LDAH: variants seen among roughly 807,000 people sequenced by gnomAD.
LDAH encodes the protein lipid droplet-associated hydrolase.
Under a neutral mutation model 29.6 loss-of-function variants are expected in LDAH, and 26 were observed. That is an observed-to-expected ratio of 0.88 (90% CI 0.64 to 1.22). LDAH has a LOEUF of 1.22. Among genes scored for constraint, LDAH ranks in the 50% most tolerant of loss-of-function variants. The pLI, the probability that LDAH is intolerant of heterozygous loss-of-function variation, is 0.00. For synonymous variants in LDAH, 117 were observed against 133.0 expected, an observed-to-expected ratio of 0.88 and a Z score of 0.83; for missense variants, 344 against 387.3, an observed-to-expected ratio of 0.89 and a Z score of 0.94.
chr2:20,756,273 G>A (rs2124930223), intron 4 of LDAH, among the ~76,000 whole-genome samples: 1 of 152,180 alleles, frequency 6.6e-6, no homozygotes, highest in Middle Eastern at 3.4e-3. Flanking sequence ...GACCTCAGGT[G>A]ATCCACCCAC....
intron 3 of LDAH, among the ~76,000 whole-genome samples, chr2:20,780,235 T>A (rs1312649754): frequency 1.3e-5 from 2 of 152,200 alleles, no homozygotes; most frequent in Non-Finnish European, 2.9e-5. Context: ...CCCAAGCATA[T>A]GTTTTATAAA....
chr2:20,783,459 C>G lies in LDAH; in HGVS notation c.298+6796G>C, dbSNP rs947821620. On this transcript the variant is annotated intron_variant, in intron 3 of 6. Coordinates refer to ENST00000237822, the MANE Select transcript of LDAH (RefSeq NM_021925.4). ...GTCTATCAGTTTTGCCTCCTGCATT[C>G]TGACCTTTGTTGTTAGGTACATATT... is the stretch of plus-strand genomic sequence containing the variant. 6.6e-5 allele frequency among the ~76,000 whole-genome samples: 10 copies of G among 152,188 alleles called. No homozygotes were observed. In the East Asian group the frequency reaches 1.9e-3, roughly 29 times the overall value.
chr2:20,710,585 G>GGGGT (rs1553336527), intron 5 of LDAH, among the ~76,000 whole-genome samples: 19 of 115,946 alleles, frequency 1.6e-4, no homozygotes, highest in East Asian at 5.6e-4. Flanking sequence ...TATATATAGG[G>GGGGT]GTGTGTGTGT....
chr2:20,687,518 T>C (rs1662654998), intron 6 of LDAH, among the ~76,000 whole-genome samples: 1 of 152,208 alleles, frequency 6.6e-6, no homozygotes, highest in Non-Finnish European at 1.5e-5. Context: ...TGGGATGTAT[T>C]TGTTGAATGA....
chr2:20,758,475 GAAGA>G (rs1668474482), intron 4 of LDAH, among the ~76,000 whole-genome samples: 2 of 152,306 alleles, frequency 1.3e-5, no homozygotes, highest in Admixed American at 1.3e-4. Context: ...TGTTAAGTCA[GAAGA>G]AATATCTAGA....
At chr2:20,738,612 G>A (rs993140119) in intron 5 of LDAH, among the ~76,000 whole-genome samples, 2 of 152,088 alleles carry the variant, frequency 1.3e-5, no homozygotes, top group Non-Finnish European at 2.9e-5. Flanking sequence ...GGACCAAATG[G>A]TCTTTAAGGG....
chr2:20,722,202 C>A (rs1665696522), intron 5 of LDAH, among the ~76,000 whole-genome samples: 1 of 151,860 alleles, frequency 6.6e-6, no homozygotes, highest in Non-Finnish European at 1.5e-5. Context: ...ATGGTGAAAC[C>A]GTCTCTACTA....
chr2:20,750,630 T>C (rs985979596), intron 4 of LDAH, among the ~76,000 whole-genome samples: 1 of 152,254 alleles, frequency 6.6e-6, no homozygotes, highest in Non-Finnish European at 1.5e-5. Flanking sequence ...CAGCAAAGTT[T>C]GCATTAAGTA....
In LDAH at chr2:20,685,808, T is replaced by C; in HGVS notation, c.*1095A>G. On this transcript the variant is annotated 3_prime_UTR_variant, in exon 7 of 7. Transcript: ENST00000237822. ...CTTCTCTGCCATACCTCAATGTGTC[T>C]AGAGAAGGTGAATTCACATAACTTA... 6 of 878,172 alleles carry C rather than the reference T, an allele frequency of 6.8e-6. No individual in the cohort carries two copies. Among genetic ancestry groups the C allele is most frequent in the Non-Finnish European group, 9.7e-6 (6 of 620,446 alleles). The allele number at this position is 878,172 out of a possible 1,614,324, so 54.4% of individuals were successfully genotyped here.
In LDAH at chr2:20,815,357, C is replaced by T. The variant is rs182726041; in HGVS notation, c.-3+7680G>A. ...TTTAGAGGAAGAGAAGAAAGTATGG[C>T]GCTGAAAAAAATAAAGATATAATAG... On this transcript the variant is annotated intron_variant, in intron 1 of 6. Coordinates refer to ENST00000237822, the MANE Select transcript of LDAH (RefSeq NM_021925.4). Among the ~76,000 whole-genome samples, 205 of 151,206 alleles carry T rather than the reference C, an allele frequency of 1.4e-3. 1 individual carries two copies. The highest frequency in any genetic ancestry group is 2.6e-3 in the Non-Finnish European group (177 of 67,752).
rs1663660505 is a variant in LDAH, at chr2:20,698,452, G to A, written c.786+3118C>T. On this transcript the variant is annotated intron_variant, in intron 6 of 6. Coordinates refer to ENST00000237822, the MANE Select transcript of LDAH (RefSeq NM_021925.4). The surrounding 1 kb of genome is among the most constrained non-coding windows in gnomAD (Gnocchi z 4.4). Reference sequence around the variant, plus strand: ...TGCCTGTAATCCCAGCACCTTGGGAGGCCGAGGCCGGTAAATCACAAGGTC... The same window carrying A: ...TGCCTGTAATCCCAGCACCTTGGGAAGCCGAGGCCGGTAAATCACAAGGTC... Among the ~76,000 whole-genome samples the A allele has an allele frequency of 6.6e-6, 1 of 152,218 alleles. No homozygotes were observed. Among genetic ancestry groups the A allele is most frequent in the Non-Finnish European group, 1.5e-5 (1 of 68,044 alleles).
intron 4 of LDAH, among the ~76,000 whole-genome samples, chr2:20,747,918 G>C (rs1667689290): frequency 6.6e-6 from 1 of 152,096 alleles, no homozygotes; most frequent in Admixed American, 6.5e-5. Flanking sequence ...AATTAAAGCA[G>C]GATGATTTCT....
chr2:20,805,160 G>C (rs910101120), intron 1 of LDAH, among the ~76,000 whole-genome samples: 7 of 152,080 alleles, frequency 4.6e-5, no homozygotes, highest in African/African-American at 1.4e-4. Flanking sequence ...AAATGACATT[G>C]TGGGAGCTTG....
intron 3 of LDAH, among the ~76,000 whole-genome samples, chr2:20,775,464 C>T (rs1409956577): frequency 6.6e-6 from 1 of 152,144 alleles, no homozygotes; most frequent in Non-Finnish European, 1.5e-5. Flanking sequence ...TTCCAAGTTT[C>T]CAGGAGATGT....
chr2:20,718,848 T>C (rs1370813769), intron 5 of LDAH, among the ~76,000 whole-genome samples: 1 of 152,084 alleles, frequency 6.6e-6, no homozygotes, highest in East Asian at 1.9e-4. Context: ...ACTAGAATCT[T>C]TGCAAAGAGG....
chr2:20,794,976 G>A (rs1671213494), intron 2 of LDAH, among the ~76,000 whole-genome samples: 1 of 152,090 alleles, frequency 6.6e-6, no homozygotes, highest in Admixed American at 6.6e-5. Flanking sequence ...TCCTTGTTAA[G>A]AAACCACAAA....
chr2:20,799,933 GA>G (rs1396176180), intron 2 of LDAH, among the ~76,000 whole-genome samples: 1 of 152,048 alleles, frequency 6.6e-6, no homozygotes, highest in Non-Finnish European at 1.5e-5. Context: ...ATGAAGAGGC[GA>G]AAAACATGGA....
chr2:20,746,789 A>G (rs1667600032), intron 4 of LDAH, among the ~76,000 whole-genome samples: 2 of 152,112 alleles, frequency 1.3e-5, no homozygotes, highest in African/African-American at 4.8e-5. Flanking sequence ...TTATGTTACT[A>G]TCTCATTAAA....
Position 20,740,056 on chromosome 2 carries a change from C to A in LDAH, c.618G>T (p.Lys206Asn), listed in dbSNP as rs1382212324. 4 of 1,613,980 alleles carry A rather than the reference C, an allele frequency of 2.5e-6. No individual in the cohort carries two copies. The Admixed American group carries it at 6.7e-5, about 27-fold the overall frequency. The change falls in exon 5 of 7, where the codon AAG becomes AAT. Residue 206 changes from lysine to asparagine, a missense_variant. Transcript: ENST00000237822. ...GAAGGCCCCTTCTGATTAGCAAGGA[C>A]TTGATTGTCTCAGGACACGGTTTCA... ...LLLKPCPETI[K>N]SLLIRRGLQV...
Sources: allele counts gnomAD v4.1 joint callset (sites outside exome capture counted in the v4.1 genomes callset), GRCh38; gene constraint gnomAD v4.1.1; non-coding constraint Gnocchi (gnomAD v3.1); transcripts MANE v1.5; gene names NCBI Gene and HGNC (gene_info 2026-07-23, HGNC 2026-07-21).